DIS3L2: variants seen among roughly 807,000 people sequenced by gnomAD.
DIS3L2 encodes DIS3 like 3'-5' exoribonuclease 2.
DIS3L2 carries 34 observed loss-of-function variants against 97.5 expected under a neutral mutation model. The observed-to-expected ratio is 0.35, with a 90% CI of 0.27 to 0.46. The LOEUF (loss-of-function observed/expected upper bound fraction) is 0.46. Ranked by LOEUF, DIS3L2 falls within the 20% of genes least tolerant of loss-of-function variation. The pLI is 1.00. For missense variants in DIS3L2, 1,038 were observed against 1,146.0 expected, an observed-to-expected ratio of 0.91 and a Z score of 1.36; for synonymous variants, 435 against 445.2, an observed-to-expected ratio of 0.98 and a Z score of 0.29.
At chr2:232,034,023 G>A (rs2106244288) in intron 5 of DIS3L2, among the ~76,000 whole-genome samples, 1 of 152,222 alleles carries the variant, frequency 6.6e-6, no homozygotes, top group East Asian at 1.9e-4. Context: ...CTGTTGTATG[G>A]AATACTTTCA....
chr2:232,155,252 A>G (rs1289393033), intron 8 of DIS3L2, among the ~76,000 whole-genome samples: 1 of 151,996 alleles, frequency 6.6e-6, no homozygotes, highest in African/African-American at 2.4e-5. Context: ...CTAAAGGTCC[A>G]ATAACTGGTA....
intron 9 of DIS3L2, among the ~76,000 whole-genome samples, chr2:232,197,874 C>G (rs959789675): frequency 6.6e-6 from 1 of 151,626 alleles, no homozygotes; most frequent in African/African-American, 2.4e-5. Context: ...GCAGGAGAAT[C>G]ACTTGAACCC....
intron 10 of DIS3L2, among the ~76,000 whole-genome samples, chr2:232,216,175 T>C (rs1275271611): frequency 6.6e-6 from 1 of 152,232 alleles, no homozygotes; most frequent in Non-Finnish European, 1.5e-5. Flanking sequence ...TCCCGTGTAT[T>C]CCTTATCCCT....
intron 6 of DIS3L2, among the ~76,000 whole-genome samples, chr2:232,114,135 A>G (rs962559012): frequency 1.3e-5 from 2 of 152,064 alleles, no homozygotes; most frequent in African/African-American, 2.4e-5. Flanking sequence ...TACCCACCAA[A>G]TTATCCTTAA....
At chr2:232,160,908 TTTTGTTTG>T (rs926364238) in intron 8 of DIS3L2, among the ~76,000 whole-genome samples, 1 of 152,034 alleles carries the variant, frequency 6.6e-6, no homozygotes, top group African/African-American at 2.4e-5. Flanking sequence ...ATTCATTCAT[TTTTGTTTG>T]TTTGTTTGTT....
At chr2:232,030,851 C>T (rs140715472) in intron 5 of DIS3L2, among the ~76,000 whole-genome samples, 3 of 151,488 alleles carry the variant, frequency 2.0e-5, no homozygotes, top group African/African-American at 7.3e-5. Flanking sequence ...TTCAATAATA[C>T]GTGTTATAGA....
At chr2:232,142,587 G>T (rs1311197319) in intron 8 of DIS3L2, among the ~76,000 whole-genome samples, 2 of 151,932 alleles carry the variant, frequency 1.3e-5, no homozygotes, top group African/African-American at 4.8e-5. Flanking sequence ...TAAATTTCAA[G>T]ACCTTTTCTT....
At position 232,263,255 on chromosome 2, in the gene DIS3L2, CTT is replaced by C; in HGVS notation, c.1475_1476del (p.Leu492GlnfsTer10). ...GACCATCATCCGCTCCTGCACCAAA[CTT>C]AGCTACGAGCATGCACAGAGCATGA... ...GRTIIRSCTK[L>X]SYEHAQSMIE... On this transcript the variant is annotated frameshift_variant, in exon 13 of 21. Transcript: ENST00000325385. LOFTEE classifies it high-confidence loss of function. 1 of 1,614,244 alleles carries C rather than the reference CTT, an allele frequency of 6.2e-7. No homozygotes were observed. The highest frequency in any genetic ancestry group is 8.5e-7 in the Non-Finnish European group (1 of 1,180,038).
At chr2:232,342,241 A>C (rs1238728341) in intron 13 of DIS3L2, among the ~76,000 whole-genome samples, 1 of 135,738 alleles carries the variant, frequency 7.4e-6, no homozygotes, top group Non-Finnish European at 1.6e-5. Context: ...ATACACATAC[A>C]CATATATACA....
intron 6 of DIS3L2, among the ~76,000 whole-genome samples, chr2:232,122,944 G>T (rs1276226011): frequency 1.3e-5 from 2 of 152,200 alleles, no homozygotes; most frequent in Non-Finnish European, 2.9e-5. Context: ...TTTGAATTTA[G>T]ATCTTGTGAC....
chr2:232,202,041 G>A (rs1218585303), intron 9 of DIS3L2, among the ~76,000 whole-genome samples: 1 of 152,150 alleles, frequency 6.6e-6, no homozygotes, highest in Non-Finnish European at 1.5e-5. Context: ...CCCATCCCTT[G>A]ATCTCTGGCT....
chr2:232,062,203 C>T (rs563119873), intron 5 of DIS3L2, among the ~76,000 whole-genome samples: 4 of 152,078 alleles, frequency 2.6e-5, no homozygotes, highest in African/African-American at 4.8e-5. Context: ...GGCAGCTTCT[C>T]CATCCTTGCC....
chr2:232,282,299 G>A (rs948926857), intron 13 of DIS3L2, among the ~76,000 whole-genome samples: 1 of 152,160 alleles, frequency 6.6e-6, no homozygotes, highest in Non-Finnish European at 1.5e-5. Context: ...GGGAACAGGA[G>A]ACCCATGGGG....
intron 6 of DIS3L2, 61 bp from the exon 7 acceptor site, chr2:232,130,558 C>A: frequency 6.5e-7 from 1 of 1,533,024 alleles, no homozygotes; most frequent in Non-Finnish European, 8.8e-7. Context: ...ATTTTAAAAT[C>A]CCACTAATTG....
At chr2:232,134,328 A>G (rs1293702549) in intron 7 of DIS3L2, among the ~76,000 whole-genome samples, 1 of 152,206 alleles carries the variant, frequency 6.6e-6, no homozygotes, top group Non-Finnish European at 1.5e-5. Flanking sequence ...AGGTTCTAGC[A>G]AAAGTTGTAT....
At chr2:232,090,871 A>G (rs1309481867) in intron 6 of DIS3L2, among the ~76,000 whole-genome samples, 2 of 152,244 alleles carry the variant, frequency 1.3e-5, no homozygotes, top group African/African-American at 2.4e-5. Context: ...TATCTTTGTG[A>G]TAACTACCAG....
At chr2:232,011,216 T>C (rs537116651) in intron 1 of DIS3L2, among the ~76,000 whole-genome samples, 1 of 152,262 alleles carries the variant, frequency 6.6e-6, no homozygotes, top group South Asian at 2.1e-4. Flanking sequence ...TGGCCCTCAT[T>C]CTGGAAGTTA....
At chr2:232,306,601 A>G (rs1694991266) in intron 14 of DIS3L2, among the ~76,000 whole-genome samples, 1 of 152,184 alleles carries the variant, frequency 6.6e-6, no homozygotes, top group Non-Finnish European at 1.5e-5. Context: ...AGTTCAGTCT[A>G]CTATCTTGTC....
chr2:231,981,007 G>A (rs1461346150), intron 1 of DIS3L2, among the ~76,000 whole-genome samples: 2 of 152,110 alleles, frequency 1.3e-5, no homozygotes, highest in African/African-American at 2.4e-5. Flanking sequence ...GCAGTGGTGC[G>A]ATCTCGGCTC....
Sources: allele counts gnomAD v4.1 joint callset (sites outside exome capture counted in the v4.1 genomes callset), GRCh38; gene constraint gnomAD v4.1.1; transcripts MANE v1.5; gene names NCBI Gene and HGNC (gene_info 2026-07-23, HGNC 2026-07-21).